The following FAM83F variants were observed in gnomAD, a reference collection of about 807,000 sequenced individuals.
FAM83F encodes the protein scaffolding CK1 anchoring protein F.
Under a neutral mutation model 42.9 loss-of-function variants are expected in FAM83F, and 45 were observed. The observed-to-expected ratio is 1.05, with a 90% CI of 0.83 to 1.35. The LOEUF (loss-of-function observed/expected upper bound fraction) is 1.35. Among genes scored for constraint, FAM83F ranks in the 40% most tolerant of loss-of-function variants. The probability of loss-of-function intolerance (pLI) is 0.00; values close to 1 mark genes in which losing one functional copy is unlikely to be tolerated. For synonymous variants in FAM83F, 306 were observed against 298.3 expected (o/e 1.03, Z -0.27); for missense variants, 617 against 695.9 (o/e 0.89, Z 1.28).
chr22:40,006,822 C>T (rs568464256), intron 1 of FAM83F, among the ~76,000 whole-genome samples: 79 of 152,140 alleles, frequency 5.2e-4, no homozygotes, highest in African/African-American at 1.8e-3. Context: ...TTACGGGGTC[C>T]GTCTGCCAAG....
chr22:40,003,486 G>A (rs1038338441), intron 1 of FAM83F, among the ~76,000 whole-genome samples: 1 of 152,098 alleles, frequency 6.6e-6, no homozygotes, highest in African/African-American at 2.4e-5. Flanking sequence ...GAGGTGGGGA[G>A]GAGGGCAGAG....
At chr22:40,024,471 A>G (rs969250471) in intron 4 of FAM83F, among the ~76,000 whole-genome samples, 10 of 152,142 alleles carry the variant, frequency 6.6e-5, no homozygotes, top group Non-Finnish European at 1.5e-4. Flanking sequence ...ATCAGTGAGA[A>G]CCTGAGCTCC....
intron 1 of FAM83F, among the ~76,000 whole-genome samples, chr22:40,016,984 T>C (rs1327428412): frequency 6.6e-6 from 1 of 152,150 alleles, no homozygotes. Context: ...TTTAAATGCC[T>C]CTCTGGGCCT....
intron 1 of FAM83F, among the ~76,000 whole-genome samples, chr22:40,016,995 G>C (rs1422081647): frequency 6.6e-6 from 1 of 152,070 alleles, no homozygotes; most frequent in Non-Finnish European, 1.5e-5. Context: ...CTCTGGGCCT[G>C]GTAATTTAAA....
rs929897185 is a variant in FAM83F at position 40,000,947 on chromosome 22, C to A, written c.489+5416C>A. Among the ~76,000 whole-genome samples the A allele has an allele frequency of 4.6e-5, 7 of 152,308 alleles. No individual in the cohort carries two copies. In the South Asian group the frequency reaches 1.0e-3, roughly 23 times the overall value. On this transcript the variant is annotated intron_variant, in intron 1 of 4. Transcript: ENST00000333407. ...TTCCACCCTTCTGCAAGTGGCCATG[C>A]CACATGAGCTTTGTTTCAGAGGCAC... is the stretch of plus-strand genomic sequence containing the variant.
intron 1 of FAM83F, among the ~76,000 whole-genome samples, chr22:40,006,962 AT>A (rs2067432837): frequency 1.3e-5 from 2 of 152,148 alleles, no homozygotes; most frequent in African/African-American, 2.4e-5. Context: ...GCAAGATTTT[AT>A]CTAGGCTTGA....
chr22:40,018,714 C>T (rs2067504050), intron 1 of FAM83F, among the ~76,000 whole-genome samples: 1 of 152,086 alleles, frequency 6.6e-6, no homozygotes, highest in South Asian at 2.1e-4. Flanking sequence ...GCCTCAGCCT[C>T]CCAAGTAGCT....
chr22:40,040,610 C>T lies in FAM83F; in HGVS notation c.*11045C>T, dbSNP rs1244836201. 2 of 152,196 alleles carry T rather than the reference C, an allele frequency of 1.3e-5. No homozygotes were observed. Among genetic ancestry groups the T allele is most frequent in the Non-Finnish European group, 2.9e-5 (2 of 68,038 alleles). 9.4% of individuals were successfully genotyped at this position (152,196 alleles called of 1,614,324 possible). A position where few individuals can be genotyped will look rare whatever the true frequency, so the allele number is the denominator to read the frequency against. On this transcript the variant is annotated 3_prime_UTR_variant, in exon 5 of 5. Transcript: ENST00000333407. ...GGTGATTTAGAAGGTGAGACAGACA[C>T]AAGGGATGTGTTGCACAGTAAATGC...
intron 1 of FAM83F, among the ~76,000 whole-genome samples, chr22:40,006,921 G>A (rs539988978): frequency 7.9e-4 from 120 of 152,262 alleles, no homozygotes; most frequent in African/African-American, 2.7e-3. Context: ...CAGAGGAAGG[G>A]CAGAGCTCAG....
At chr22:40,002,578 A>T (rs1444519264) in intron 1 of FAM83F, among the ~76,000 whole-genome samples, 3 of 152,194 alleles carry the variant, frequency 2.0e-5, no homozygotes, top group Non-Finnish European at 4.4e-5. Flanking sequence ...GAGGGATCCC[A>T]TGCGGCTGGG....
intron 4 of FAM83F, among the ~76,000 whole-genome samples, chr22:40,029,031 G>T (rs983716205): frequency 2.6e-5 from 4 of 152,044 alleles, no homozygotes; most frequent in African/African-American, 9.7e-5. Context: ...TACTTTGCAG[G>T]CGGTGGAGCT....
At chr22:40,013,734 C>T (rs752638465) in intron 1 of FAM83F, among the ~76,000 whole-genome samples, 11 of 151,910 alleles carry the variant, frequency 7.2e-5, no homozygotes, top group African/African-American at 9.7e-5. Context: ...GGAGAGTATT[C>T]GATTTTTAAA....
intron 1 of FAM83F, among the ~76,000 whole-genome samples, chr22:40,017,599 T>C (rs2067499172): frequency 6.6e-6 from 1 of 152,208 alleles, no homozygotes; most frequent in Non-Finnish European, 1.5e-5. Flanking sequence ...TAGGTGCAGT[T>C]ATTAGCTCTA....
At chr22:40,014,901 A>AT (rs1274468724) in intron 1 of FAM83F, among the ~76,000 whole-genome samples, 2 of 152,158 alleles carry the variant, frequency 1.3e-5, no homozygotes, top group Non-Finnish European at 2.9e-5. Context: ...TACTTCCTCA[A>AT]TTGTAAAGTG....
At position 40,021,669 on chromosome 22, in the gene FAM83F, C is replaced by T. The variant is rs753117885; in HGVS notation, c.1159C>T (p.Pro387Ser). Residue 387 changes from proline (P) to serine (S), a missense_variant, in exon 4 of 5, where the codon CCC becomes TCC. By Grantham distance (74) the Pro-to-Ser change is moderately conservative. Transcript: ENST00000333407. This position sits in a 1 kb window ranked among gnomAD's most constrained non-coding sequence, Gnocchi z 8.7. The part of the protein sequence containing the change: ...DLVTVEQVLP[P>S]VEPIPLGELS... ...GGTTACGGTGGAGCAGGTGCTGCCC[C>T]CCGTGGAGCCCATCCCCTTGGGAGA... 1.2e-5 allele frequency: 20 copies of T among 1,610,482 alleles called. No individual in the cohort carries two copies. In the Admixed American group the frequency reaches 3.2e-4, roughly 26 times the overall value.
chr22:40,029,092 TGTGTGTGTGTGTG>T (rs2067572223), intron 4 of FAM83F, among the ~76,000 whole-genome samples: 1 of 135,216 alleles, frequency 7.4e-6, no homozygotes, highest in Admixed American at 7.2e-5. Flanking sequence ...TGTGTGTGTG[TGTGTGTGTGTGTG>T]TGTGTGTGTG....
intron 1 of FAM83F, among the ~76,000 whole-genome samples, chr22:39,997,284 CCT>C (rs1307513201): frequency 2.0e-5 from 3 of 152,330 alleles, no homozygotes; most frequent in Admixed American, 6.5e-5. Flanking sequence ...GTGGTGTACC[CCT>C]GTTACTAGAA....
chr22:40,029,081 G>A (rs28432954), intron 4 of FAM83F, among the ~76,000 whole-genome samples: 11 of 1,656 alleles, frequency 6.6e-3, no homozygotes, highest in African/African-American at 0.036. Context: ...TTGGCTAGAC[G>A]TGTGTGTGTG....
Position 40,029,670 on chromosome 22 carries a change from A to G in FAM83F, c.*105A>G, listed in dbSNP as rs534445405. The G allele has an allele frequency of 4.7e-6, 7 of 1,492,886 alleles. No homozygotes were observed. In the Admixed American group the frequency reaches 8.2e-5, roughly 17 times the overall value. 92.5% of individuals were successfully genotyped at this position (1,492,886 alleles called of 1,614,324 possible). On this transcript the variant is annotated 3_prime_UTR_variant, in exon 5 of 5. Coordinates refer to ENST00000333407, the MANE Select transcript of FAM83F (RefSeq NM_138435.4). ...GCACCAGTTTGCACATCAGACGCCA[A>G]CTGGCCTTCTGCCCTGCAGCCTCCG...
Sources: gnomAD v4.1 joint callset for allele counts (sites outside exome capture counted in the v4.1 genomes callset) on GRCh38, gnomAD v4.1.1 for gene constraint, Gnocchi (gnomAD v3.1) non-coding constraint, MANE v1.5 for transcripts, NCBI Gene and HGNC (gene_info 2026-07-23, HGNC 2026-07-21) for gene names.